The following MED13 variants were observed in gnomAD, a reference collection of about 807,000 sequenced individuals.
The protein encoded by MED13 is mediator complex subunit 13, also known as mediator of RNA polymerase II transcription subunit 13.
Under a neutral mutation model 225.2 loss-of-function variants are expected in MED13, and 23 were observed. The observed-to-expected ratio is 0.10, with a 90% CI of 0.07 to 0.14. The LOEUF is 0.14. Among genes scored for constraint, MED13 ranks in the 10% least tolerant of loss-of-function variants. The pLI, the probability that MED13 is intolerant of heterozygous loss-of-function variation, is 1.00. For synonymous variants in MED13, 942 were observed against 889.2 expected (o/e 1.06, Z -1.06); for missense variants, 2,197 against 2,594.5 (o/e 0.85, Z 3.33).
intron 17 of MED13, among the ~76,000 whole-genome samples, chr17:61,970,389 A>G (rs375800316): frequency 2.0e-5 from 3 of 152,196 alleles, no homozygotes; most frequent in South Asian, 2.1e-4. Context: ...ATTCAAACTG[A>G]TATTACAGGG....
At chr17:62,015,929 TATATATATATATATATATATATATA>T (rs2080566181) in intron 8 of MED13, among the ~76,000 whole-genome samples, 125 of 6,898 alleles carry the variant, frequency 0.018, no homozygotes, top group Non-Finnish European at 0.033. Flanking sequence ...TATATATATA[TATATATATATATATATATATATATA>T]TTTTTTTTTT....
At chr17:61,990,535 A>G (rs2080286823) in intron 11 of MED13, among the ~76,000 whole-genome samples, 1 of 151,160 alleles carries the variant, frequency 6.6e-6, no homozygotes, top group Non-Finnish European at 1.5e-5. Context: ...ATGTTAAAAA[A>G]ATGTAAATAT....
At chr17:61,966,842 T>C (rs1473911682) in intron 18 of MED13, among the ~76,000 whole-genome samples, 191 bp from the exon 19 acceptor site, 2 of 152,160 alleles carry the variant, frequency 1.3e-5, no homozygotes, top group African/African-American at 2.4e-5. Context: ...AATGGTGCCA[T>C]AGGTCTTTTT....
chr17:61,964,692 T>C lies in MED13; in HGVS notation c.4844+314A>G, dbSNP rs577263452. On this transcript the variant is annotated intron_variant, in intron 20 of 29. Coordinates refer to ENST00000397786, the MANE Select transcript of MED13 (RefSeq NM_005121.3). ...GGCTCACGTCTGTAATCCCAGCACT[T>C]TGGGAAGCCATGGTGGGTGGATCAC... 9.8e-5 allele frequency among the ~76,000 whole-genome samples: 15 copies of C among 152,300 alleles called. No individual in the cohort carries two copies. The East Asian group carries it at 1.3e-3, about 14-fold the overall frequency.
intron 16 of MED13, among the ~76,000 whole-genome samples, chr17:61,974,973 A>G (rs1023235316): frequency 2.6e-5 from 4 of 152,130 alleles, no homozygotes; most frequent in African/African-American, 9.7e-5. Flanking sequence ...AAGAAAGTAA[A>G]AAGATTTCAC....
At chr17:62,014,051 A>G (rs1303391268) in intron 8 of MED13, among the ~76,000 whole-genome samples, 2 of 151,938 alleles carry the variant, frequency 1.3e-5, no homozygotes, top group Non-Finnish European at 2.9e-5. Flanking sequence ...CCCCCACCAA[A>G]AACACAAACA....
At chr17:61,984,469 T>C in intron 14 of MED13, 102 bp from the exon 15 acceptor site, 2 of 995,418 alleles carry the variant, frequency 2.0e-6, no homozygotes, top group Non-Finnish European at 2.9e-6. Context: ...TTAAACAGAA[T>C]AAAATCTAAA....
At chr17:61,964,727 G>C (rs1567946562) in intron 20 of MED13, among the ~76,000 whole-genome samples, 1 of 152,186 alleles carries the variant, frequency 6.6e-6, no homozygotes. Flanking sequence ...CCTGAGGTCA[G>C]AAGTTTGAGA....
chr17:61,981,681 C>T (rs373342603), intron 16 of MED13, among the ~76,000 whole-genome samples: 57 of 152,294 alleles, frequency 3.7e-4, no homozygotes, highest in African/African-American at 1.3e-3. Context: ...TCTTATCTGA[C>T]CATACATCTA....
At chr17:61,989,411 G>A (rs1023201244) in intron 11 of MED13, among the ~76,000 whole-genome samples, 1 of 152,066 alleles carries the variant, frequency 6.6e-6, no homozygotes, top group Non-Finnish European at 1.5e-5. Flanking sequence ...GAGCGATCCT[G>A]GCTCACTGCA....
chr17:62,006,129 G>A (rs1246816148), intron 9 of MED13: 2 of 152,022 alleles, frequency 1.3e-5, no homozygotes, highest in Non-Finnish European at 2.9e-5. Flanking sequence ...ATATGCAAAA[G>A]AAGGGATTAT....
chr17:62,015,913 C>G (rs1486103459), intron 8 of MED13, among the ~76,000 whole-genome samples: 1 of 12,056 alleles, frequency 8.3e-5, no homozygotes, highest in Non-Finnish European at 1.4e-4. Flanking sequence ...ACACACTATA[C>G]ACATATATAT....
chr17:61,974,083 G>A (rs1468019390), intron 16 of MED13, among the ~76,000 whole-genome samples: 4 of 152,090 alleles, frequency 2.6e-5, no homozygotes, highest in South Asian at 2.1e-4. Context: ...ATAAACTTTT[G>A]TATACATAGT....
intron 2 of MED13, among the ~76,000 whole-genome samples, chr17:62,054,255 C>T (rs1373221990): frequency 2.0e-5 from 3 of 151,646 alleles, no homozygotes; most frequent in Non-Finnish European, 4.4e-5. Context: ...GAGCCAAGAT[C>T]GTGCCACTGC....
At chr17:62,007,068 C>G (rs993523500) in intron 9 of MED13, 1 of 152,134 alleles carries the variant, frequency 6.6e-6, no homozygotes, top group Non-Finnish European at 1.5e-5. Flanking sequence ...GGTGAAACCC[C>G]GTCTCTGCTA....
intron 15 of MED13, 81 bp from the exon 16 acceptor site, chr17:61,983,195 C>A: frequency 2.6e-6 from 3 of 1,137,306 alleles, no homozygotes; most frequent in Admixed American, 3.3e-5. Flanking sequence ...TAAAAACGTC[C>A]CAAATGTTTT....
intron 21 of MED13, among the ~76,000 whole-genome samples, chr17:61,962,361 T>C (rs1339952874): frequency 6.6e-6 from 1 of 152,214 alleles, no homozygotes; most frequent in Non-Finnish European, 1.5e-5. Flanking sequence ...ACTAGTCCTG[T>C]TGAAGTCTAT....
chr17:61,966,688 T>C, intron 18 of MED13, 37 bp from the exon 19 acceptor site: 4 of 1,406,992 alleles, frequency 2.8e-6, no homozygotes, highest in Non-Finnish European at 2.9e-6. Context: ...ATTAGTAAAT[T>C]TATTATTGTA....
At position 61,960,896 on chromosome 17, in the gene MED13, A is replaced by G; in HGVS notation, c.5451T>C (p.Thr1817=). The part of the protein sequence containing the change: ...CTDLYGELLE[T]CIINIDVPNR... ...TTGGAACATCGATGTTAATGATACAAGTTTCTAAAAGTTCTCCATATAGAT... is the reference window on the plus strand; with the variant it reads ...TTGGAACATCGATGTTAATGATACAGGTTTCTAAAAGTTCTCCATATAGAT... The change falls in exon 23 of 30, where the codon ACT becomes ACC. Residue 1817 remains threonine, a synonymous_variant. Coordinates refer to ENST00000397786, the MANE Select transcript of MED13 (RefSeq NM_005121.3). 1 of 1,611,800 alleles carries G rather than the reference A, an allele frequency of 6.2e-7. No homozygotes were observed. The highest frequency in any genetic ancestry group is 8.5e-7 in the Non-Finnish European group (1 of 1,178,580).
Sources: allele counts gnomAD v4.1 joint callset (sites outside exome capture counted in the v4.1 genomes callset), GRCh38; gene constraint gnomAD v4.1.1; transcripts MANE v1.5; gene names NCBI Gene and HGNC (gene_info 2026-07-23, HGNC 2026-07-21).